Variants in CEP83 observed in about 807,000 individuals in gnomAD.
CEP83 encodes the protein centrosomal protein of 83 kDa.
CEP83 carries 70 observed loss-of-function variants against 101.9 expected under a neutral mutation model. That is an observed-to-expected ratio of 0.69 (90% CI 0.57 to 0.84). CEP83 has a LOEUF of 0.84. Ranked by LOEUF, CEP83 falls within the 40% of genes least tolerant of loss-of-function variation. The pLI is 0.00. For synonymous variants in CEP83, 264 were observed against 267.9 expected, an observed-to-expected ratio of 0.99 and a Z score of 0.14; for missense variants, 715 against 787.2, an observed-to-expected ratio of 0.91 and a Z score of 1.10.
intron 11 of CEP83, among the ~76,000 whole-genome samples, chr12:94,337,322 A>G (rs1162699250): frequency 5.3e-5 from 8 of 152,228 alleles, no homozygotes; most frequent in Non-Finnish European, 1.2e-4. Flanking sequence ...GTGGTAGACT[A>G]TAGAAGATGA....
At chr12:94,297,138 G>C in the CEP83 span, 1 of 1,594,574 alleles carries the variant, frequency 6.3e-7, no homozygotes, top group Non-Finnish European at 8.6e-7. Flanking sequence ...ATTAGCCCAT[G>C]GTTGCTTTTT....
chr12:94,391,479 C>T (rs2062530391), intron 6 of CEP83, among the ~76,000 whole-genome samples: 1 of 152,086 alleles, frequency 6.6e-6, no homozygotes. Flanking sequence ...CTGAAGGAAG[C>T]ACTAAACATG....
the CEP83 span, among the ~76,000 whole-genome samples, chr12:94,271,369 A>G: frequency 1.3e-5 from 2 of 152,358 alleles, no homozygotes; most frequent in Admixed American, 1.3e-4. Flanking sequence ...CCATGTGGGA[A>G]AAGACCTGTT....
chr12:94,374,476 C>G (rs191196106), intron 8 of CEP83, among the ~76,000 whole-genome samples: 1 of 152,140 alleles, frequency 6.6e-6, no homozygotes, highest in Non-Finnish European at 1.5e-5. Flanking sequence ...CTCCCCATAT[C>G]CTGAATTTAC....
chr12:94,421,177 C>T (rs1266273153), intron 2 of CEP83, among the ~76,000 whole-genome samples: 3 of 152,030 alleles, frequency 2.0e-5, no homozygotes, highest in Non-Finnish European at 4.4e-5. Context: ...GTACTACAGG[C>T]ACATGTCATT....
At chr12:94,331,341 G>A (rs71458544) in intron 14 of CEP83, among the ~76,000 whole-genome samples, 19 of 71,818 alleles carry the variant, frequency 2.6e-4, no homozygotes, top group South Asian at 5.4e-4. Context: ...TTACTCCATA[G>A]AAATCACCTT....
intron 11 of CEP83, among the ~76,000 whole-genome samples, chr12:94,349,864 G>C (rs539976863): frequency 6.6e-6 from 1 of 152,046 alleles, no homozygotes; most frequent in Non-Finnish European, 1.5e-5. Flanking sequence ...CACTAACAAT[G>C]AATACTATGA....
At chr12:94,424,792 G>A in intron 2 of CEP83, 2 of 1,609,922 alleles carry the variant, frequency 1.2e-6, no homozygotes, top group South Asian at 2.2e-5. Context: ...ATCCTCGGAT[G>A]TATAGGTTGG....
At chr12:94,375,771 C>T (rs2061501436) in intron 8 of CEP83, 115 bp downstream of exon 8, 1 of 521,216 alleles carries the variant, frequency 1.9e-6, no homozygotes, top group African/African-American at 2.0e-5. Context: ...TCTTAGAAGG[C>T]AGAATGATAT....
intron 11 of CEP83, among the ~76,000 whole-genome samples, chr12:94,343,740 G>A (rs1371406321): frequency 2.6e-5 from 4 of 151,384 alleles, no homozygotes; most frequent in Middle Eastern, 3.4e-3. Context: ...TGATCCACCC[G>A]CCTCGGCCTC....
At chr12:94,438,850 T>C (rs991218804) in intron 1 of CEP83, among the ~76,000 whole-genome samples, 1 of 152,156 alleles carries the variant, frequency 6.6e-6, no homozygotes, top group Non-Finnish European at 1.5e-5. Flanking sequence ...AGAATAAAAC[T>C]AGAAATTAAC....
chr12:94,408,806 CA>C (rs1437832700), intron 4 of CEP83, among the ~76,000 whole-genome samples: 1 of 152,010 alleles, frequency 6.6e-6, no homozygotes, highest in African/African-American at 2.4e-5. Context: ...AGGCTGGTTT[CA>C]AACTCCTAGC....
At position 94,379,009 on chromosome 12, in the gene CEP83, G is replaced by A. The variant is rs550020211; in HGVS notation, c.583C>T (p.Arg195Cys). The A allele has an allele frequency of 8.1e-6, 13 of 1,611,172 alleles. No individual in the cohort carries two copies. The highest frequency in any genetic ancestry group is 3.3e-5 in the South Asian group (3 of 90,832). The change falls in exon 7 of 17, where the codon CGT becomes TGT. Residue 195 changes from arginine (R) to cysteine (C), a missense_variant. Transcript: ENST00000397809. ...AGATCAACATTAAGCAGCTGGTTAC[G>A]TAGTTCTTCTTTATCTTCCTCCAGT... ...ARLEEDKEEL[R>C]NQLLNVDLTK...
chr12:94,327,168 G>A (rs1011849840), intron 14 of CEP83, among the ~76,000 whole-genome samples: 1 of 152,130 alleles, frequency 6.6e-6, no homozygotes, highest in East Asian at 1.9e-4. Context: ...TAGTCAAATC[G>A]ATGCCTTAGT....
chr12:94,381,552 G>A (rs528591764), intron 6 of CEP83, among the ~76,000 whole-genome samples: 2 of 152,132 alleles, frequency 1.3e-5, no homozygotes, highest in African/African-American at 2.4e-5. Context: ...ATTCCCCAAG[G>A]CACACAAGAG....
intron 1 of CEP83, among the ~76,000 whole-genome samples, chr12:94,452,423 T>C (rs115110108): frequency 0.012 from 1,883 of 152,200 alleles, 53 homozygotes; most frequent in African/African-American, 0.043. Context: ...TTGTTGATAG[T>C]TGTAGTAATC....
chr12:94,310,526 A>G (rs1240916746), intron 15 of CEP83, among the ~76,000 whole-genome samples: 1 of 151,986 alleles, frequency 6.6e-6, no homozygotes, highest in African/African-American at 2.4e-5. Flanking sequence ...GACATCCCTC[A>G]TATATCAAAG....
chr12:94,378,768 CT>C, intron 7 of CEP83, 22 bp downstream of exon 7: 1 of 1,612,856 alleles, frequency 6.2e-7, no homozygotes, highest in Non-Finnish European at 8.5e-7. Context: ...CCATACTCTA[CT>C]GGGAAGTAAT....
intron 14 of CEP83, among the ~76,000 whole-genome samples, chr12:94,326,361 G>A (rs1008908452): frequency 3.3e-5 from 5 of 152,178 alleles, no homozygotes; most frequent in African/African-American, 1.2e-4. Flanking sequence ...CAAACTGGAG[G>A]AGGGGGTCAT....
Sources: allele counts gnomAD v4.1 joint callset (sites outside exome capture counted in the v4.1 genomes callset), GRCh38; gene constraint gnomAD v4.1.1; transcripts MANE v1.5; gene names NCBI Gene and HGNC (gene_info 2026-07-23, HGNC 2026-07-21).